The following TNFRSF10D variants were observed in gnomAD, a reference collection of about 807,000 sequenced individuals.
TNFRSF10D encodes tumor necrosis factor receptor superfamily member 10D.
A neutral mutation model predicts 42.1 loss-of-function variants in TNFRSF10D; 28 were observed. That is an observed-to-expected ratio of 0.66 (90% CI 0.49 to 0.91). TNFRSF10D has a LOEUF of 0.91. TNFRSF10D is among the 40% of genes least tolerant of loss of function. The pLI is 0.00. For synonymous variants in TNFRSF10D, 186 were observed against 189.4 expected (o/e 0.98, Z 0.15); for missense variants, 503 against 486.1 (o/e 1.03, Z -0.33).
At chr8:23,162,216 G>T (rs541158771) in intron 1 of TNFRSF10D, among the ~76,000 whole-genome samples, 1 of 152,174 alleles carries the variant, frequency 6.6e-6, no homozygotes, top group Non-Finnish European at 1.5e-5. Context: ...ATTGATGGAG[G>T]GATCAAAGCC....
chr8:23,160,234 A>G (rs374427793), intron 1 of TNFRSF10D, among the ~76,000 whole-genome samples: 760 of 151,786 alleles, frequency 5.0e-3, no homozygotes, highest in African/African-American at 0.016. Flanking sequence ...GACAATAAAG[A>G]GCTCATTGTC....
intron 7 of TNFRSF10D, among the ~76,000 whole-genome samples, chr8:23,141,873 G>GTAAATTA (rs1316163095): frequency 6.6e-6 from 1 of 152,174 alleles, no homozygotes; most frequent in Non-Finnish European, 1.5e-5. Flanking sequence ...TGGTGGGAAT[G>GTAAATTA]TAAATTAGTT....
intron 1 of TNFRSF10D, among the ~76,000 whole-genome samples, chr8:23,159,005 T>C (rs1800321845): frequency 6.6e-6 from 1 of 152,220 alleles, no homozygotes; most frequent in Admixed American, 6.5e-5. Context: ...TTCTGCTTTT[T>C]ATCACAATAG....
intron 1 of TNFRSF10D, among the ~76,000 whole-genome samples, chr8:23,157,981 C>T (rs1800304551): frequency 1.3e-5 from 2 of 152,208 alleles, no homozygotes; most frequent in African/African-American, 2.4e-5. Context: ...AACTGATCAG[C>T]AGCTTCCCAA....
intron 7 of TNFRSF10D, among the ~76,000 whole-genome samples, chr8:23,142,053 C>T (rs757601828): frequency 4.6e-4 from 70 of 152,240 alleles, no homozygotes; most frequent in Non-Finnish European, 8.1e-4. Context: ...GGATGGATCA[C>T]GAGGTCAGGA....
chr8:23,138,168 T>C lies in TNFRSF10D; in HGVS notation c.1027+20A>G, dbSNP rs113899003. ...CTATTCCCTGTCCTCCTGCTGCGTC[T>C]CAAGGCACAAAACACTTACTGTCAG... On this transcript the variant is annotated intron_variant, in intron 8 of 8. Coordinates refer to ENST00000312584, the MANE Select transcript of TNFRSF10D (RefSeq NM_003840.5). The C allele has an allele frequency of 3.3e-5, 53 of 1,614,232 alleles. No homozygotes were observed. In the African/African-American group the frequency reaches 4.4e-4, roughly 13 times the overall value.
At chr8:23,153,817 C>T (rs980427710) in intron 2 of TNFRSF10D, among the ~76,000 whole-genome samples, 1 of 152,188 alleles carries the variant, frequency 6.6e-6, no homozygotes, top group Non-Finnish European at 1.5e-5. Context: ...TATGGAGGTT[C>T]CTCAAAAAAC....
At chr8:23,143,287 T>A (rs1223699228) in intron 7 of TNFRSF10D, among the ~76,000 whole-genome samples, 1 of 150,286 alleles carries the variant, frequency 6.7e-6, no homozygotes, top group Non-Finnish European at 1.5e-5. Context: ...ACTGAGCACC[T>A]TTCTATAGTG....
intron 1 of TNFRSF10D, among the ~76,000 whole-genome samples, chr8:23,158,699 C>T (rs1441253367): frequency 6.6e-6 from 1 of 152,164 alleles, no homozygotes; most frequent in Non-Finnish European, 1.5e-5. Flanking sequence ...TGGGTACTGA[C>T]TTTTTATGCA....
chr8:23,157,329 T>G (rs1282874862), intron 1 of TNFRSF10D, among the ~76,000 whole-genome samples: 1 of 152,250 alleles, frequency 6.6e-6, no homozygotes, highest in Non-Finnish European at 1.5e-5. Context: ...CCCTTTTGAT[T>G]TCTTCTCTGA....
chr8:23,136,787 A>G lies in TNFRSF10D; in HGVS notation c.*1083T>C, dbSNP rs1170416702. On this transcript the variant is annotated 3_prime_UTR_variant, in exon 9 of 9. Coordinates refer to ENST00000312584, the MANE Select transcript of TNFRSF10D (RefSeq NM_003840.5). The stretch of plus-strand genomic sequence containing the variant: ...GGCATATGTAAACATCTACTTATAA[A>G]TAAATAAATAAATATTTATTTATAA... 6.6e-6 allele frequency: 1 copy of G among 151,818 alleles called. No homozygotes were observed. The highest frequency in any genetic ancestry group is 1.5e-5 in the Non-Finnish European group (1 of 67,972). 9.4% of individuals were successfully genotyped at this position (151,818 alleles called of 1,614,324 possible).
intron 1 of TNFRSF10D, 83 bp from the exon 2 acceptor site, chr8:23,155,062 A>G (rs1800257553): frequency 8.1e-6 from 9 of 1,110,228 alleles, no homozygotes; most frequent in Non-Finnish European, 1.1e-5. Flanking sequence ...CCTTCACCCC[A>G]AGTGACAAAA....
chr8:23,146,568 A>G (rs977324006), intron 4 of TNFRSF10D, among the ~76,000 whole-genome samples: 3 of 152,206 alleles, frequency 2.0e-5, no homozygotes, highest in Non-Finnish European at 4.4e-5. Context: ...AATATTAAAA[A>G]TTACATTTTT....
In TNFRSF10D at chr8:23,135,707, G is replaced by A; in HGVS notation, c.*2163C>T. ...GCAAAACCTAAACAAATCAACCAAC[G>A]CCAAAAAACCCCAACAATTTCATGT... On this transcript the variant is annotated 3_prime_UTR_variant, in exon 9 of 9. Coordinates refer to ENST00000312584, the MANE Select transcript of TNFRSF10D (RefSeq NM_003840.5). 1 of 290,080 alleles carries A rather than the reference G, an allele frequency of 3.4e-6. No individual in the cohort carries two copies. The allele number at this position is 290,080 out of a possible 1,614,324, so 18.0% of individuals were successfully genotyped here. A position where few individuals can be genotyped will look rare whatever the true frequency, so the allele number is the denominator to read the frequency against.
At chr8:23,138,365 G>A (rs1814379296) in intron 7 of TNFRSF10D, 105 bp from the exon 8 acceptor site, 6 of 1,223,214 alleles carry the variant, frequency 4.9e-6, no homozygotes, top group Non-Finnish European at 7.2e-6. Flanking sequence ...TTTCCCTCTT[G>A]GGTCTCCATG....
intron 1 of TNFRSF10D, among the ~76,000 whole-genome samples, chr8:23,157,113 G>C (rs2128839409): frequency 6.6e-6 from 1 of 152,000 alleles, no homozygotes; most frequent in East Asian, 1.9e-4. Context: ...TATACTCATA[G>C]CTATGCAATC....
In TNFRSF10D at chr8:23,146,954, G is replaced by A. The variant is rs760200985; in HGVS notation, c.482+7C>T. 5.0e-6 allele frequency: 8 copies of A among 1,612,584 alleles called. No homozygotes were observed. In the South Asian group the frequency reaches 6.6e-5, roughly 13 times the overall value. Reference sequence around the variant, plus strand: ...AAGCTGTTGGGAGCCCCTGGCTGCTGTCTTACCCTGTTCTACACGTCCGGC... The same window carrying A: ...AAGCTGTTGGGAGCCCCTGGCTGCTATCTTACCCTGTTCTACACGTCCGGC... On this transcript the variant is annotated splice_region_variant and intron_variant, in intron 4 of 8. Transcript: ENST00000312584.
At chr8:23,138,490 T>G (rs1343990670) in intron 7 of TNFRSF10D, among the ~76,000 whole-genome samples, 919 of 152,190 alleles carry the variant, frequency 6.0e-3, no homozygotes, top group African/African-American at 0.019. Flanking sequence ...CTGACCAACT[T>G]TGACTATAGG....
At chr8:23,149,058 C>T (rs1027009347) in intron 2 of TNFRSF10D, among the ~76,000 whole-genome samples, 65 of 150,214 alleles carry the variant, frequency 4.3e-4, no homozygotes, top group Middle Eastern at 3.4e-3. Flanking sequence ...GGCGTGGTGG[C>T]AGGCACCTGT....
Sources: allele counts gnomAD v4.1 joint callset (sites outside exome capture counted in the v4.1 genomes callset), GRCh38; gene constraint gnomAD v4.1.1; transcripts MANE v1.5; gene names NCBI Gene and HGNC (gene_info 2026-07-23, HGNC 2026-07-21).